The following LDLRAD4 variants were observed in gnomAD, a reference collection of about 807,000 sequenced individuals.
The protein encoded by LDLRAD4 is low density lipoprotein receptor class A domain containing 4, also known as low-density lipoprotein receptor class A domain-containing protein 4.
A neutral mutation model predicts 17.0 loss-of-function variants in LDLRAD4; 5 were observed. The observed-to-expected ratio is 0.29, with a 90% CI of 0.15 to 0.62. LDLRAD4 has a LOEUF of 0.62. Ranked by LOEUF, LDLRAD4 falls within the 20% of genes least tolerant of loss-of-function variation. The pLI, the probability that LDLRAD4 is intolerant of heterozygous loss-of-function variation, is 0.84. For synonymous variants in LDLRAD4, 168 were observed against 171.8 expected, an observed-to-expected ratio of 0.98 and a Z score of 0.17; for missense variants, 340 against 424.7, an observed-to-expected ratio of 0.80 and a Z score of 1.75.
At chr18:13,528,827 A>G (rs113504882) in intron 3 of LDLRAD4, among the ~76,000 whole-genome samples, 3 of 152,320 alleles carry the variant, frequency 2.0e-5, no homozygotes, top group African/African-American at 7.2e-5. Context: ...TGTAGGATAC[A>G]TGACTCCCAG....
chr18:13,561,644 G>A (rs565244884), intron 3 of LDLRAD4: 3 of 152,220 alleles, frequency 2.0e-5, no homozygotes, highest in African/African-American at 7.2e-5. Flanking sequence ...CGGACGTGAT[G>A]ACACCTGTGC....
chr18:13,416,540 G>A (rs544756539), intron 2 of LDLRAD4, among the ~76,000 whole-genome samples: 2 of 152,166 alleles, frequency 1.3e-5, no homozygotes, highest in African/African-American at 2.4e-5. Flanking sequence ...GAGAACCACC[G>A]TTTGAATTAT....
chr18:13,273,939 G>T (rs762523761), upstream of LDLRAD4, among the ~76,000 whole-genome samples: 59 of 152,126 alleles, frequency 3.9e-4, no homozygotes, highest in Admixed American at 3.2e-3. Flanking sequence ...CATTCAGGAG[G>T]TGGTTTAGGG....
intron 1 of LDLRAD4, among the ~76,000 whole-genome samples, chr18:13,348,828 G>A (rs2082863048): frequency 6.6e-6 from 1 of 152,136 alleles, no homozygotes; most frequent in African/African-American, 2.4e-5. Context: ...AGACTGCTGT[G>A]CTAGCAATAA....
intron 2 of LDLRAD4, among the ~76,000 whole-genome samples, chr18:13,394,445 CATAAAG>C (rs909738251): frequency 6.6e-6 from 1 of 152,104 alleles, no homozygotes. Flanking sequence ...GTGTGTACAA[CATAAAG>C]ATAGTTATAA....
chr18:13,262,429 C>T (rs76963834), intron 1 of LDLRAD4, among the ~76,000 whole-genome samples: 7,677 of 43,514 alleles, frequency 0.18, 65 homozygotes, highest in Admixed American at 0.28. Flanking sequence ...CCCGTGTGGC[C>T]CTGTGCGTGG....
chr18:13,330,239 G>A (rs927959333), intron 1 of LDLRAD4, among the ~76,000 whole-genome samples: 5 of 152,154 alleles, frequency 3.3e-5, no homozygotes, highest in African/African-American at 1.2e-4. Flanking sequence ...TGGGATTACA[G>A]GTGTGAGCCA....
intron 3 of LDLRAD4, among the ~76,000 whole-genome samples, chr18:13,571,269 A>T (rs2094686719): frequency 6.6e-6 from 1 of 152,180 alleles, no homozygotes; most frequent in Admixed American, 6.5e-5. Context: ...TGAAGCTCTG[A>T]CTCAGCCACT....
At chr18:13,566,950 C>T (rs74552629) in intron 3 of LDLRAD4, among the ~76,000 whole-genome samples, 27,900 of 152,170 alleles carry the variant, frequency 0.18, 2,770 homozygotes, top group Non-Finnish European at 0.22. Context: ...AGGAGAGGGT[C>T]CTGCTGAGCT....
intron 3 of LDLRAD4, chr18:13,486,888 G>A (rs1358093678): frequency 2.0e-5 from 3 of 152,166 alleles, no homozygotes; most frequent in African/African-American, 7.2e-5. Flanking sequence ...GGAATCACCA[G>A]GGTCAACGGT....
intron 3 of LDLRAD4, among the ~76,000 whole-genome samples, chr18:13,449,121 A>T (rs1465684026): frequency 6.6e-6 from 1 of 152,240 alleles, no homozygotes; most frequent in Admixed American, 6.5e-5. Flanking sequence ...AAAGTAGACA[A>T]TCACTGGAGA....
chr18:13,233,824 C>G (rs541514945), intron 1 of LDLRAD4, among the ~76,000 whole-genome samples: 7 of 152,188 alleles, frequency 4.6e-5, no homozygotes, highest in African/African-American at 1.7e-4. Flanking sequence ...CCGGGCATCT[C>G]TACTCATAGG....
intron 3 of LDLRAD4, among the ~76,000 whole-genome samples, chr18:13,499,848 C>T (rs191491600): frequency 9.9e-4 from 151 of 152,368 alleles, no homozygotes; most frequent in African/African-American, 3.3e-3. Context: ...GCTGTGAAAA[C>T]CTCCACGCTC....
At chr18:13,504,599 T>C (rs2147342594) in intron 3 of LDLRAD4, among the ~76,000 whole-genome samples, 1 of 152,266 alleles carries the variant, frequency 6.6e-6, no homozygotes, top group South Asian at 2.1e-4. Flanking sequence ...GGCTAATTTT[T>C]GTACTTTTAG....
At chr18:13,563,493 G>T (rs1032573175) in intron 3 of LDLRAD4, among the ~76,000 whole-genome samples, 1 of 152,162 alleles carries the variant, frequency 6.6e-6, no homozygotes, top group South Asian at 2.1e-4. Flanking sequence ...AGTGAAAGGG[G>T]GATAGTCTTC....
intron 1 of LDLRAD4, among the ~76,000 whole-genome samples, chr18:13,323,936 C>CG (rs11384097): frequency 1.3e-5 from 2 of 151,768 alleles, no homozygotes; most frequent in African/African-American, 4.8e-5. Context: ...TGTGGTGTCA[C>CG]TGCCTCTAGT....
At chr18:13,232,245 A>T (rs1172155710) in intron 1 of LDLRAD4, among the ~76,000 whole-genome samples, 1 of 152,170 alleles carries the variant, frequency 6.6e-6, no homozygotes, top group Non-Finnish European at 1.5e-5. Flanking sequence ...AGTATGTCCC[A>T]GGTCCTGAGC....
intron 3 of LDLRAD4, among the ~76,000 whole-genome samples, chr18:13,595,410 T>A (rs2095083177): frequency 6.6e-6 from 1 of 152,220 alleles, no homozygotes; most frequent in African/African-American, 2.4e-5. Context: ...TATGTTTTGC[T>A]TTTATTTGCC....
chr18:13,412,380 C>A (rs994079435), intron 2 of LDLRAD4, among the ~76,000 whole-genome samples: 16 of 152,176 alleles, frequency 1.1e-4, no homozygotes, highest in African/African-American at 3.9e-4. Flanking sequence ...TGAAAAATTT[C>A]TGCTCATTTT....
Sources: allele counts gnomAD v4.1 joint callset (sites outside exome capture counted in the v4.1 genomes callset), GRCh38; gene constraint gnomAD v4.1.1; transcripts MANE v1.5; gene names NCBI Gene and HGNC (gene_info 2026-07-23, HGNC 2026-07-21).